NKAIN2: variants seen among roughly 807,000 people sequenced by gnomAD.
The protein encoded by NKAIN2 is sodium/potassium-transporting ATPase subunit beta-1-interacting protein 2.
A neutral mutation model predicts 32.6 loss-of-function variants in NKAIN2; 14 were observed. That is an observed-to-expected ratio of 0.43 (90% CI 0.28 to 0.67). The LOEUF is 0.67. Ranked by LOEUF, NKAIN2 falls within the 30% of genes least tolerant of loss-of-function variation. The pLI, the probability that NKAIN2 is intolerant of heterozygous loss-of-function variation, is 0.17. For missense variants in NKAIN2, 198 were observed against 258.3 expected, an observed-to-expected ratio of 0.77 and a Z score of 1.60; for synonymous variants, 80 against 87.2, an observed-to-expected ratio of 0.92 and a Z score of 0.46.
At chr6:124,466,533 T>G (rs758283604) in intron 3 of NKAIN2, among the ~76,000 whole-genome samples, 21 of 152,036 alleles carry the variant, frequency 1.4e-4, no homozygotes, top group Non-Finnish European at 2.5e-4. Context: ...GTACTGCTCA[T>G]CCATCAAATC....
chr6:124,182,421 C>G (rs1029550271), intron 1 of NKAIN2, among the ~76,000 whole-genome samples: 6 of 152,156 alleles, frequency 3.9e-5, no homozygotes, highest in African/African-American at 1.4e-4. Flanking sequence ...ATAATTGTTA[C>G]TATATTGTAC....
chr6:124,348,327 C>A lies in NKAIN2; in HGVS notation c.193-6940C>A, dbSNP rs9388325. Among the ~76,000 whole-genome samples the A allele has an allele frequency of 7.3e-3, 1,119 of 152,306 alleles. 29 individuals are homozygous for A. The highest frequency in any genetic ancestry group is 0.059 in the Admixed American group (899 of 15,300). On this transcript the variant is annotated intron_variant, in intron 2 of 6. Coordinates refer to ENST00000368417, the MANE Select transcript of NKAIN2 (RefSeq NM_001040214.3). ...GGCAGTCTGCCCGTTCTCAGATCTC[C>A]AGCTGCGTGCTGGGAGAACCACTGC...
chr6:123,943,727 C>T (rs1776932134), intron 1 of NKAIN2, among the ~76,000 whole-genome samples: 2 of 152,194 alleles, frequency 1.3e-5, no homozygotes, highest in East Asian at 1.9e-4. Context: ...TGAAAATAGA[C>T]TTTAATGTAT....
chr6:124,056,722 T>C (rs1304770132), intron 1 of NKAIN2, among the ~76,000 whole-genome samples: 1 of 152,080 alleles, frequency 6.6e-6, no homozygotes, highest in Non-Finnish European at 1.5e-5. Context: ...GAGTTTGTGT[T>C]ACTGTATATA....
At chr6:124,151,869 A>G (rs565869730) in intron 1 of NKAIN2, among the ~76,000 whole-genome samples, 28 of 151,946 alleles carry the variant, frequency 1.8e-4, no homozygotes, top group Non-Finnish European at 3.1e-4. Context: ...ATAGGAATTT[A>G]AAAATGTATT....
chr6:124,479,257 C>A (rs1777352812), intron 3 of NKAIN2, among the ~76,000 whole-genome samples: 1 of 152,026 alleles, frequency 6.6e-6, no homozygotes, highest in African/African-American at 2.4e-5. Flanking sequence ...AAAATATGCC[C>A]TTTAATTAAT....
chr6:124,235,202 T>C (rs1339155927), intron 1 of NKAIN2, among the ~76,000 whole-genome samples: 1 of 152,184 alleles, frequency 6.6e-6, no homozygotes, highest in Non-Finnish European at 1.5e-5. Context: ...TCTTCACTTT[T>C]TGGAAAAAGT....
chr6:124,038,543 T>C (rs140169380), intron 1 of NKAIN2, among the ~76,000 whole-genome samples: 47 of 152,184 alleles, frequency 3.1e-4, no homozygotes, highest in African/African-American at 1.1e-3. Flanking sequence ...CACTTGATTG[T>C]TGATTATTGT....
At chr6:123,843,528 GT>G (rs774542981) in intron 1 of NKAIN2, among the ~76,000 whole-genome samples, 4 of 152,092 alleles carry the variant, frequency 2.6e-5, no homozygotes, top group Non-Finnish European at 4.4e-5. Flanking sequence ...GGCCAGGGTG[GT>G]TTTGGAAAAG....
At chr6:124,459,344 A>C (rs1372447772) in intron 3 of NKAIN2, among the ~76,000 whole-genome samples, 1 of 151,930 alleles carries the variant, frequency 6.6e-6, no homozygotes, top group African/African-American at 2.4e-5. Context: ...GCATTGTAAC[A>C]TGAATTACCT....
chr6:124,168,046 C>T (rs905513550), intron 1 of NKAIN2, among the ~76,000 whole-genome samples: 6 of 152,174 alleles, frequency 3.9e-5, no homozygotes, highest in African/African-American at 1.2e-4. Flanking sequence ...CTCAATGCCA[C>T]ATTATTTGTC....
At chr6:123,998,735 C>G (rs1266294597) in intron 1 of NKAIN2, among the ~76,000 whole-genome samples, 4 of 90,666 alleles carry the variant, frequency 4.4e-5, no homozygotes, top group African/African-American at 1.6e-4. Flanking sequence ...TTGTTTCTCT[C>G]TCTCTCTCTG....
intron 1 of NKAIN2, among the ~76,000 whole-genome samples, chr6:124,168,406 T>C (rs183268460): frequency 6.6e-6 from 1 of 152,262 alleles, no homozygotes; most frequent in Non-Finnish European, 1.5e-5. Flanking sequence ...ATGGATACTC[T>C]TGTACATACA....
chr6:124,342,496 TC>T (rs1181679561), intron 2 of NKAIN2, among the ~76,000 whole-genome samples: 1 of 151,578 alleles, frequency 6.6e-6, no homozygotes, highest in South Asian at 2.1e-4. Context: ...CTTAAACAAG[TC>T]TTTTTTTGTT....
chr6:124,211,583 G>A (rs571654357), intron 1 of NKAIN2, among the ~76,000 whole-genome samples: 8 of 152,062 alleles, frequency 5.3e-5, no homozygotes, highest in African/African-American at 1.9e-4. Context: ...AAATGTCTAA[G>A]AGTTCTTTGC....
At chr6:124,667,277 C>CA (rs148096363) in intron 4 of NKAIN2, among the ~76,000 whole-genome samples, 8,970 of 151,242 alleles carry the variant, frequency 0.059, 358 homozygotes, top group African/African-American at 0.11. Flanking sequence ...TTATATGTTG[C>CA]AAAAAAAATC....
At chr6:124,371,928 T>G (rs1418665871) in intron 3 of NKAIN2, among the ~76,000 whole-genome samples, 1 of 152,118 alleles carries the variant, frequency 6.6e-6, no homozygotes. Context: ...AGGGCACACA[T>G]GACGTGATCC....
chr6:124,557,645 TC>T (rs1780526401), intron 3 of NKAIN2, among the ~76,000 whole-genome samples: 1 of 152,224 alleles, frequency 6.6e-6, no homozygotes, highest in Admixed American at 6.5e-5. Context: ...TTCTGTTTAA[TC>T]TGAGTTTTTA....
At chr6:123,906,370 G>A (rs9490995) in intron 1 of NKAIN2, among the ~76,000 whole-genome samples, 43,538 of 151,356 alleles carry the variant, frequency 0.29, 8,338 homozygotes, top group African/African-American at 0.55. Flanking sequence ...GGCTCACTGC[G>A]GTCTCGACTT....
Sources: allele counts gnomAD v4.1 joint callset (sites outside exome capture counted in the v4.1 genomes callset), GRCh38; gene constraint gnomAD v4.1.1; transcripts MANE v1.5; gene names NCBI Gene and HGNC (gene_info 2026-07-23, HGNC 2026-07-21).